PPP2R5A: variants seen among roughly 807,000 people sequenced by gnomAD.
PPP2R5A encodes protein phosphatase 2 regulatory subunit B'alpha.
In PPP2R5A, 25 loss-of-function variants were observed where a neutral mutation model predicts 64.2. That is an observed-to-expected ratio of 0.39 (90% CI 0.28 to 0.54). The LOEUF (loss-of-function observed/expected upper bound fraction) is 0.54. Ranked by LOEUF, PPP2R5A falls within the 20% of genes least tolerant of loss-of-function variation. The pLI, the probability that PPP2R5A is intolerant of heterozygous loss-of-function variation, is 0.67. For synonymous variants in PPP2R5A, 198 were observed against 201.2 expected (o/e 0.98, Z 0.13); for missense variants, 425 against 576.3 (o/e 0.74, Z 2.69).
chr1:212,346,726 G>C (rs1005281271), intron 5 of PPP2R5A, among the ~76,000 whole-genome samples: 2 of 152,042 alleles, frequency 1.3e-5, no homozygotes, highest in African/African-American at 4.8e-5. Flanking sequence ...TTCAAGGTTT[G>C]GTTTGTTTAA....
intron 4 of PPP2R5A, among the ~76,000 whole-genome samples, chr1:212,344,524 A>C (rs1663629): frequency 0.011 from 1,731 of 152,356 alleles, 30 homozygotes; most frequent in African/African-American, 0.039. Context: ...ACTTCTGATG[A>C]GGTTCAGAGC....
At position 212,338,786 on chromosome 1, in the gene PPP2R5A, C is replaced by CAA. The variant is rs11375782; in HGVS notation, c.481-3391_481-3390dup. ...TGGGCGACAAAGCAAGACTCTGTCT[C>CAA]AAAAAAAAAAAAGAAAGAAAACAAG... On this transcript the variant is annotated intron_variant, in intron 3 of 12. Transcript: ENST00000261461. Among the ~76,000 whole-genome samples the CAA allele has an allele frequency of 1.8e-3, 250 of 142,548 alleles. 1 individual carries two copies. In the Middle Eastern group the frequency reaches 0.022, roughly 13 times the overall value. 93.5% of individuals were successfully genotyped at this position (142,548 alleles called of 152,430 possible).
intron 4 of PPP2R5A, 39 bp downstream of exon 4, chr1:212,342,319 C>A (rs941673642): frequency 6.3e-7 from 1 of 1,588,832 alleles, no homozygotes. Flanking sequence ...ATATATTCAT[C>A]TTAGCAATGA....
chr1:212,309,308 G>A (rs1297026109), intron 1 of PPP2R5A: 12 of 1,531,220 alleles, frequency 7.8e-6, no homozygotes, highest in Non-Finnish European at 1.1e-5. Flanking sequence ...TAGTGGTCAA[G>A]TTTGTTTCTC....
intron 3 of PPP2R5A, among the ~76,000 whole-genome samples, chr1:212,338,461 C>CAT (rs1305674570): frequency 6.6e-6 from 1 of 152,006 alleles, no homozygotes; most frequent in African/African-American, 2.4e-5. Context: ...TATAGAAGAC[C>CAT]ATAGAAGGCT....
At chr1:212,323,855 C>T (rs994093037) in intron 1 of PPP2R5A, among the ~76,000 whole-genome samples, 2 of 152,036 alleles carry the variant, frequency 1.3e-5, no homozygotes, top group Non-Finnish European at 1.5e-5. Flanking sequence ...GGGTGGATCA[C>T]GAGGTCAGGA....
intron 8 of PPP2R5A, among the ~76,000 whole-genome samples, chr1:212,349,455 T>C (rs1281230223): frequency 6.6e-6 from 1 of 152,138 alleles, no homozygotes; most frequent in Non-Finnish European, 1.5e-5. Flanking sequence ...AAATATAGAC[T>C]ACTATTAATA....
intron 1 of PPP2R5A, among the ~76,000 whole-genome samples, chr1:212,306,154 C>T (rs1173708028): frequency 2.0e-5 from 3 of 151,982 alleles, no homozygotes; most frequent in Non-Finnish European, 4.4e-5. Context: ...GTTGGCTAAA[C>T]ATTGTATTTT....
intron 1 of PPP2R5A, among the ~76,000 whole-genome samples, chr1:212,319,992 C>T (rs1161091059): frequency 4.4e-5 from 6 of 135,438 alleles, no homozygotes; most frequent in African/African-American, 1.4e-4. Context: ...GGGTGTTTCT[C>T]GCAGAGGGGG....
chr1:212,287,419 C>T (rs1658524009), intron 1 of PPP2R5A, among the ~76,000 whole-genome samples: 1 of 152,166 alleles, frequency 6.6e-6, no homozygotes, highest in Non-Finnish European at 1.5e-5. Context: ...GTCTTTGGGC[C>T]TGTGAATCCA....
At chr1:212,318,687 A>G (rs1659205058) in intron 1 of PPP2R5A, among the ~76,000 whole-genome samples, 1 of 152,230 alleles carries the variant, frequency 6.6e-6, no homozygotes, top group African/African-American at 2.4e-5. Flanking sequence ...GATTCAACCA[A>G]CCTTGGATCA....
chr1:212,327,341 A>G (rs1242818602), intron 1 of PPP2R5A, among the ~76,000 whole-genome samples: 1 of 152,228 alleles, frequency 6.6e-6, no homozygotes, highest in East Asian at 1.9e-4. Context: ...GGTTAGAAAC[A>G]AAAGGATTTA....
rs563562036 is a variant in PPP2R5A at position 212,316,278 on chromosome 1, T to C, written c.182-12857T>C. Among the ~76,000 whole-genome samples the C allele has an allele frequency of 1.7e-3, 259 of 152,278 alleles. 1 individual carries two copies. Among genetic ancestry groups the C allele is most frequent in the Middle Eastern group, 3.4e-3 (1 of 294 alleles). On this transcript the variant is annotated intron_variant, in intron 1 of 12. Transcript: ENST00000261461. The stretch of plus-strand genomic sequence containing the variant: ...AGTTGTGAATGCAAAGGAAGAGCTC[T>C]TGAAGGACATTAAAAGTGCTACTCC...
chr1:212,313,473 CT>C (rs1659078008), intron 1 of PPP2R5A, among the ~76,000 whole-genome samples: 2 of 151,734 alleles, frequency 1.3e-5, no homozygotes, highest in South Asian at 2.1e-4. Flanking sequence ...TTCATGTGAC[CT>C]TTTTTTCCTA....
In PPP2R5A at chr1:212,285,815, C is replaced by T. The variant is rs1658483061; in HGVS notation, c.-296C>T. 1 of 310,208 alleles carries T rather than the reference C, an allele frequency of 3.2e-6. No individual in the cohort carries two copies. The highest frequency in any genetic ancestry group is 5.9e-6 in the Non-Finnish European group (1 of 169,864). 19.2% of individuals were successfully genotyped at this position (310,208 alleles called of 1,614,324 possible). A position where few individuals can be genotyped will look rare whatever the true frequency, so the allele number is the denominator to read the frequency against. On this transcript the variant is annotated 5_prime_UTR_variant, in exon 1 of 13. Coordinates refer to ENST00000261461, the MANE Select transcript of PPP2R5A (RefSeq NM_006243.4). ...AACTTCGGGCTCTCTTCCACCCGCTCTGCGCGCCCAGAGTCAACAACTTCT... is the reference window on the plus strand; with the variant it reads ...AACTTCGGGCTCTCTTCCACCCGCTTTGCGCGCCCAGAGTCAACAACTTCT...
chr1:212,352,373 T>G (rs1256097059), intron 8 of PPP2R5A, among the ~76,000 whole-genome samples: 1 of 152,004 alleles, frequency 6.6e-6, no homozygotes, highest in Non-Finnish European at 1.5e-5. Context: ...CCAGTGTTCG[T>G]TATTCAATAC....
At chr1:212,324,678 C>T (rs1659375973) in intron 1 of PPP2R5A, among the ~76,000 whole-genome samples, 1 of 151,368 alleles carries the variant, frequency 6.6e-6, no homozygotes, top group Non-Finnish European at 1.5e-5. Flanking sequence ...AATCTGGGCT[C>T]ACTGCAAGCT....
chr1:212,319,613 C>CTTTTTTT (rs200765692), intron 1 of PPP2R5A: 3 of 110,722 alleles, frequency 2.7e-5, no homozygotes, highest in African/African-American at 1.1e-4. Context: ...TTTTTGTTTT[C>CTTTTTTT]TTTTCTTTTT....
intron 1 of PPP2R5A, among the ~76,000 whole-genome samples, chr1:212,290,580 C>T (rs1233983895): frequency 6.6e-6 from 1 of 152,168 alleles, no homozygotes; most frequent in Admixed American, 6.5e-5. Flanking sequence ...GTGTTCACTG[C>T]TAGTCCTCAC....
Sources: allele counts gnomAD v4.1 joint callset (sites outside exome capture counted in the v4.1 genomes callset), GRCh38; gene constraint gnomAD v4.1.1; transcripts MANE v1.5; gene names NCBI Gene and HGNC (gene_info 2026-07-23, HGNC 2026-07-21).